The following ENTREP2 variants were observed in gnomAD, a reference collection of about 807,000 sequenced individuals.
ENTREP2 encodes the protein endosomal transmembrane epsin interactor 2.
At chr15:29,364,138 T>C in the ENTREP2 span, among the ~76,000 whole-genome samples, 1 of 152,338 alleles carries the variant, frequency 6.6e-6, no homozygotes, top group Non-Finnish European at 1.5e-5. Flanking sequence ...AAGAATTAAT[T>C]GCACCTAAAC....
chr15:29,173,167 T>A, the ENTREP2 span, among the ~76,000 whole-genome samples: 1 of 152,120 alleles, frequency 6.6e-6, no homozygotes, highest in African/African-American at 2.4e-5. Flanking sequence ...TGGGCACGTG[T>A]CCACTCCCAG....
chr15:29,201,960 G>C, the ENTREP2 span, among the ~76,000 whole-genome samples: 2 of 152,024 alleles, frequency 1.3e-5, no homozygotes, highest in African/African-American at 4.8e-5. Flanking sequence ...ATAATTATAG[G>C]GCTATTCAAA....
At chr15:29,441,311 G>A in the ENTREP2 span, among the ~76,000 whole-genome samples, 1 of 152,210 alleles carries the variant, frequency 6.6e-6, no homozygotes, top group Non-Finnish European at 1.5e-5. Flanking sequence ...CTGGGGAGAG[G>A]AGGGAATGTG....
the ENTREP2 span, among the ~76,000 whole-genome samples, chr15:29,659,366 G>T: frequency 1.3e-5 from 2 of 152,178 alleles, no homozygotes; most frequent in African/African-American, 2.4e-5. Flanking sequence ...AGCTACTCAG[G>T]AGGCTGAGGC....
At chr15:29,254,935 T>C in the ENTREP2 span, among the ~76,000 whole-genome samples, 5 of 152,168 alleles carry the variant, frequency 3.3e-5, no homozygotes, top group South Asian at 1.0e-3. Context: ...TTTGTCTGTT[T>C]GGTGGAGAGG....
the ENTREP2 span, among the ~76,000 whole-genome samples, chr15:29,485,402 G>C: frequency 6.6e-6 from 1 of 152,144 alleles, no homozygotes; most frequent in South Asian, 2.1e-4. Flanking sequence ...AATTGTGTTT[G>C]CTCTAACCTG....
At chr15:29,452,036 A>T in the ENTREP2 span, among the ~76,000 whole-genome samples, 24 of 152,202 alleles carry the variant, frequency 1.6e-4, no homozygotes, top group Admixed American at 1.5e-3. Flanking sequence ...GCCTTTTTAT[A>T]TTGTTAACTT....
chr15:29,553,675 C>CAGCCA, the ENTREP2 span, among the ~76,000 whole-genome samples: 1 of 152,128 alleles, frequency 6.6e-6, no homozygotes, highest in Non-Finnish European at 1.5e-5. Context: ...GGGATACTAG[C>CAGCCA]TCTGGGGGAA....
At chr15:29,250,538 T>G in the ENTREP2 span, among the ~76,000 whole-genome samples, 1 of 152,194 alleles carries the variant, frequency 6.6e-6, no homozygotes, top group East Asian at 1.9e-4. Context: ...GGTCTGAGAT[T>G]AAGACCAGGA....
At chr15:29,135,855 C>T in the ENTREP2 span, among the ~76,000 whole-genome samples, 11 of 152,302 alleles carry the variant, frequency 7.2e-5, no homozygotes, top group South Asian at 1.5e-3. The surrounding 1 kb of genome is among the most constrained non-coding windows in gnomAD (Gnocchi z 7.4). Flanking sequence ...TTCTCCCCAC[C>T]CCAGAGGGCG....
the ENTREP2 span, among the ~76,000 whole-genome samples, chr15:29,173,182 G>A: frequency 6.6e-6 from 1 of 152,286 alleles, no homozygotes; most frequent in East Asian, 1.9e-4. Context: ...TCCCAGGACA[G>A]TCCACTGCAG....
the ENTREP2 span, among the ~76,000 whole-genome samples, chr15:29,630,616 G>A: frequency 6.6e-6 from 1 of 152,106 alleles, no homozygotes; most frequent in African/African-American, 2.4e-5. Context: ...ATAAACGCTA[G>A]TTCTTTTGTC....
the ENTREP2 span, among the ~76,000 whole-genome samples, chr15:29,625,041 C>G: frequency 6.6e-6 from 1 of 152,076 alleles, no homozygotes; most frequent in African/African-American, 2.4e-5. Flanking sequence ...CCACCCGTCC[C>G]TAACAGCAAC....
At chr15:29,124,822 A>G in the ENTREP2 span, 2 of 1,407,948 alleles carry the variant, frequency 1.4e-6, no homozygotes, top group East Asian at 2.5e-5. Flanking sequence ...TGAGAAAGCT[A>G]TCATAACCCG....
the ENTREP2 span, among the ~76,000 whole-genome samples, chr15:29,462,279 C>T: frequency 6.6e-6 from 1 of 152,092 alleles, no homozygotes; most frequent in Non-Finnish European, 1.5e-5. Flanking sequence ...AGTGGGATTG[C>T]TGGATCACAT....
At chr15:29,299,060 T>C in the ENTREP2 span, among the ~76,000 whole-genome samples, 2 of 152,198 alleles carry the variant, frequency 1.3e-5, no homozygotes, top group Non-Finnish European at 2.9e-5. Context: ...TAACACACCA[T>C]GACCACATAA....
the ENTREP2 span, among the ~76,000 whole-genome samples, chr15:29,519,155 T>C: frequency 2.0e-5 from 3 of 151,590 alleles, no homozygotes; most frequent in Non-Finnish European, 4.4e-5. Flanking sequence ...TCTCTCTCTC[T>C]CTCTCACACA....
chr15:29,159,280 T>C, the ENTREP2 span, among the ~76,000 whole-genome samples: 1 of 152,098 alleles, frequency 6.6e-6, no homozygotes, highest in Admixed American at 6.5e-5. Flanking sequence ...AAGTTGCTCA[T>C]TCCTCCCGAT....
chr15:29,383,003 G>A, the ENTREP2 span, among the ~76,000 whole-genome samples: 3 of 151,952 alleles, frequency 2.0e-5, no homozygotes, highest in Non-Finnish European at 2.9e-5. Context: ...ACTCCCCTGC[G>A]GTTCTTCCCA....
Sources: gnomAD v4.1 joint callset for allele counts (sites outside exome capture counted in the v4.1 genomes callset) on GRCh38, gnomAD v4.1.1 for gene constraint, Gnocchi (gnomAD v3.1) non-coding constraint, MANE v1.5 for transcripts, NCBI Gene and HGNC (gene_info 2026-07-23, HGNC 2026-07-21) for gene names.